Variants in ENOX1 observed in about 807,000 individuals in gnomAD.
ENOX1 encodes the protein ecto-NOX disulfide-thiol exchanger 1, also known as candidate growth-related and time keeping constitutive hydroquinone (NADH) oxidase.
A neutral mutation model predicts 82.5 loss-of-function variants in ENOX1; 42 were observed. The ratio of observed to expected loss-of-function variants is 0.51; its 90% CI spans 0.40 to 0.66. The LOEUF is 0.66. Ranked by LOEUF, ENOX1 falls within the 30% of genes least tolerant of loss-of-function variation. The probability of loss-of-function intolerance (pLI) is 0.00; values close to 1 mark genes in which losing one functional copy is unlikely to be tolerated. For missense variants in ENOX1, 608 were observed against 811.6 expected (o/e 0.75, Z 3.05); for synonymous variants, 271 against 282.2 (o/e 0.96, Z 0.40).
intron 12 of ENOX1, among the ~76,000 whole-genome samples, chr13:43,276,419 A>C (rs1362829680): frequency 6.6e-6 from 1 of 152,054 alleles, no homozygotes; most frequent in East Asian, 1.9e-4. Flanking sequence ...GTAGAGCTTG[A>C]GATGGAAGTA....
intron 2 of ENOX1, among the ~76,000 whole-genome samples, chr13:43,532,638 T>C (rs1483755581): frequency 2.0e-5 from 3 of 152,050 alleles, no homozygotes; most frequent in Non-Finnish European, 4.4e-5. Flanking sequence ...TACAACTACT[T>C]ATATTTCTGA....
intron 1 of ENOX1, among the ~76,000 whole-genome samples, chr13:43,771,832 T>C (rs1275334786): frequency 6.6e-6 from 1 of 152,000 alleles, no homozygotes; most frequent in South Asian, 2.1e-4. Context: ...TGGCGCCATC[T>C]TGGCTCACTG....
At chr13:43,569,966 T>G (rs1215670000) in intron 2 of ENOX1, among the ~76,000 whole-genome samples, 3 of 152,172 alleles carry the variant, frequency 2.0e-5, no homozygotes, top group Non-Finnish European at 4.4e-5. Context: ...ACGAATCAGG[T>G]GCTTTGTTAG....
intron 3 of ENOX1, among the ~76,000 whole-genome samples, chr13:43,468,708 T>A (rs1292374353): frequency 6.6e-6 from 1 of 151,578 alleles, no homozygotes; most frequent in Non-Finnish European, 1.5e-5. Context: ...ATTTGGGGAG[T>A]ACTGACATTT....
chr13:43,597,113 G>T (rs2081507635), intron 2 of ENOX1, among the ~76,000 whole-genome samples: 2 of 152,364 alleles, frequency 1.3e-5, no homozygotes, highest in African/African-American at 4.8e-5. Flanking sequence ...GACAGAGAGA[G>T]AGAGTGGGGG....
intron 3 of ENOX1, among the ~76,000 whole-genome samples, chr13:43,429,608 C>A (rs1189634330): frequency 2.0e-5 from 3 of 152,136 alleles, no homozygotes; most frequent in Non-Finnish European, 4.4e-5. Context: ...AATTCAATGA[C>A]CAGCAATGGC....
At chr13:43,684,820 T>C (rs2085982472) in intron 1 of ENOX1, among the ~76,000 whole-genome samples, 3 of 152,192 alleles carry the variant, frequency 2.0e-5, no homozygotes, top group African/African-American at 7.2e-5. Context: ...GTTGTGTCTC[T>C]TTACAGATTT....
At chr13:43,360,145 C>CT in intron 6 of ENOX1, 88 bp from the exon 7 acceptor site, 1 of 1,210,278 alleles carries the variant, frequency 8.3e-7, no homozygotes, top group Non-Finnish European at 1.2e-6. Context: ...TGCAGAGTAA[C>CT]TTTCTCCAGA....
intron 3 of ENOX1, among the ~76,000 whole-genome samples, chr13:43,471,912 T>A (rs1191290162): frequency 1.3e-5 from 2 of 151,850 alleles, no homozygotes; most frequent in African/African-American, 4.8e-5. Context: ...GGTGGGTATA[T>A]GAGTATTTAC....
intron 2 of ENOX1, among the ~76,000 whole-genome samples, chr13:43,637,650 A>C (rs1594209947): frequency 6.6e-6 from 1 of 152,036 alleles, no homozygotes; most frequent in Admixed American, 6.6e-5. Flanking sequence ...AAAGAATTCA[A>C]GACTTAAAGA....
intron 1 of ENOX1, among the ~76,000 whole-genome samples, chr13:43,706,117 A>T (rs1439684520): frequency 2.4e-4 from 37 of 152,042 alleles, no homozygotes; most frequent in Admixed American, 9.8e-4. Flanking sequence ...AATAACATAT[A>T]AAAATGTGTG....
intron 2 of ENOX1, among the ~76,000 whole-genome samples, chr13:43,602,679 C>T (rs7326412): frequency 0.98 from 148,921 of 152,192 alleles, 72,954 homozygotes; most frequent in Middle Eastern, 1. Context: ...GTAGGATATA[C>T]GTTAGGATAT....
chr13:43,582,990 C>G (rs2080817732), intron 2 of ENOX1, among the ~76,000 whole-genome samples: 1 of 151,872 alleles, frequency 6.6e-6, no homozygotes, highest in African/African-American at 2.4e-5. Context: ...CATGCACAGA[C>G]AGACAGACAG....
At chr13:43,375,954 C>CA (rs1401733072) in intron 5 of ENOX1, among the ~76,000 whole-genome samples, 1 of 152,202 alleles carries the variant, frequency 6.6e-6, no homozygotes, top group Non-Finnish European at 1.5e-5. Flanking sequence ...CAAAAGTGCA[C>CA]ACGTTGTGGA....
intron 2 of ENOX1, among the ~76,000 whole-genome samples, chr13:43,596,157 T>G (rs1347896555): frequency 6.6e-6 from 1 of 152,204 alleles, no homozygotes. Flanking sequence ...ACATTATACA[T>G]TCACATCTGG....
chr13:43,311,439 T>C (rs1231260740), intron 11 of ENOX1, among the ~76,000 whole-genome samples: 2 of 152,172 alleles, frequency 1.3e-5, no homozygotes, highest in Non-Finnish European at 2.9e-5. Flanking sequence ...TTTAATTTCC[T>C]ATCCATTCAT....
intron 3 of ENOX1, among the ~76,000 whole-genome samples, chr13:43,452,197 G>A (rs57939765): frequency 0.16 from 24,840 of 151,964 alleles, 2,154 homozygotes; most frequent in East Asian, 0.31. Context: ...AGGTATACAC[G>A]TGCCACGGTG....
chr13:43,250,326 A>G (rs1030734507), intron 14 of ENOX1, among the ~76,000 whole-genome samples: 4 of 152,308 alleles, frequency 2.6e-5, no homozygotes, highest in South Asian at 2.1e-4. Context: ...GCCTGCAGTC[A>G]GTCTTGAGTG....
At chr13:43,283,991 T>C (rs1181412710) in intron 12 of ENOX1, among the ~76,000 whole-genome samples, 3 of 152,150 alleles carry the variant, frequency 2.0e-5, no homozygotes, top group Non-Finnish European at 4.4e-5. Flanking sequence ...TTTTAGTTAT[T>C]TTTGGCACTG....
Sources: gnomAD v4.1 joint callset for allele counts (sites outside exome capture counted in the v4.1 genomes callset) on GRCh38, gnomAD v4.1.1 for gene constraint, MANE v1.5 for transcripts, NCBI Gene and HGNC (gene_info 2026-07-23, HGNC 2026-07-21) for gene names.